VPS13C: variants seen among roughly 807,000 people sequenced by gnomAD.
The protein encoded by VPS13C is vacuolar protein sorting 13 homolog C, also known as intermembrane lipid transfer protein VPS13C.
Under a neutral mutation model 456.8 loss-of-function variants are expected in VPS13C, and 358 were observed. The ratio of observed to expected loss-of-function variants is 0.78; its 90% CI spans 0.72 to 0.86. VPS13C has a LOEUF of 0.86. Ranked by LOEUF, VPS13C falls within the 40% of genes least tolerant of loss-of-function variation. The pLI is 0.00. For missense variants in VPS13C, 4,818 were observed against 4,385.4 expected (o/e 1.10, Z -2.79); for synonymous variants, 1,578 against 1,486.7 (o/e 1.06, Z -1.41).
intron 45 of VPS13C, among the ~76,000 whole-genome samples, chr15:61,944,028 A>G (rs532425087): frequency 2.6e-5 from 4 of 152,288 alleles, no homozygotes; most frequent in African/African-American, 9.6e-5. Flanking sequence ...GCCAACAAAC[A>G]TATGAAAAAA....
At chr15:61,877,514 G>A (rs957691547) in intron 74 of VPS13C, among the ~76,000 whole-genome samples, 1 of 146,814 alleles carries the variant, frequency 6.8e-6, no homozygotes, top group African/African-American at 2.5e-5. Context: ...TCCACTGTCA[G>A]ACATTTCCAA....
chr15:61,900,774 G>T (rs1446644911), intron 66 of VPS13C, among the ~76,000 whole-genome samples: 1,774 of 151,424 alleles, frequency 0.012, 42 homozygotes, highest in African/African-American at 0.04. Context: ...AAGTTCATAT[G>T]GAACCAAAAA....
At chr15:61,922,864 TTTTTAAA>T in intron 53 of VPS13C, 102 bp from the exon 54 acceptor site, 2 of 916,362 alleles carry the variant, frequency 2.2e-6, no homozygotes, top group Non-Finnish European at 2.9e-6. Context: ...ATAAGTGACA[TTTTTAAA>T]TTAAATTTTA....
intron 3 of VPS13C, among the ~76,000 whole-genome samples, chr15:62,039,521 T>G (rs1202760195): frequency 6.6e-6 from 1 of 151,632 alleles, no homozygotes; most frequent in Admixed American, 6.6e-5. Flanking sequence ...GGAAAAAATC[T>G]AATAATCTGA....
chr15:62,017,900 G>C (rs1166329233), intron 9 of VPS13C, among the ~76,000 whole-genome samples: 1 of 152,144 alleles, frequency 6.6e-6, no homozygotes, highest in East Asian at 1.9e-4. Flanking sequence ...TCACGATATT[G>C]ATTCTTCCTA....
At position 61,941,645 on chromosome 15, in the gene VPS13C, T is replaced by C; in HGVS notation, c.5453+118A>G. ...CAAGAAGCCAATGGTCAAGGTTTCA[T>C]AATTAGAAGAAATAAGGAATGAAAA... On this transcript the variant is annotated intron_variant, in intron 46 of 84. Transcript: ENST00000644861. 4.5e-6 allele frequency: 5 copies of C among 1,119,722 alleles called. No individual in the cohort carries two copies. In the South Asian group the frequency reaches 6.9e-5, roughly 16 times the overall value. 69.4% of individuals were successfully genotyped at this position (1,119,722 alleles called of 1,614,324 possible).
At chr15:61,923,814 C>T (rs1427998677) in intron 53 of VPS13C, among the ~76,000 whole-genome samples, 1 of 148,764 alleles carries the variant, frequency 6.7e-6, no homozygotes, top group Non-Finnish European at 1.5e-5. Flanking sequence ...AGTCTTACAA[C>T]GCCACCACAC....
At chr15:61,936,547 GA>G in intron 48 of VPS13C, 49 bp downstream of exon 48, 1 of 1,464,732 alleles carries the variant, frequency 6.8e-7, no homozygotes, top group Non-Finnish European at 9.1e-7. Context: ...ATATAAATAT[GA>G]CATTAACACC....
At chr15:61,897,631 G>A (rs1328300506) in intron 66 of VPS13C, among the ~76,000 whole-genome samples, 1 of 152,144 alleles carries the variant, frequency 6.6e-6, no homozygotes, top group Non-Finnish European at 1.5e-5. Context: ...TCTGATTGGT[G>A]TACCTGAAAG....
chr15:61,919,207 T>G, intron 58 of VPS13C, 82 bp downstream of exon 58: 2 of 1,367,838 alleles, frequency 1.5e-6, no homozygotes, highest in South Asian at 2.9e-5. Context: ...TGATGAAGTT[T>G]TACTGTATTC....
chr15:62,023,927 T>A, intron 6 of VPS13C, 82 bp from the exon 7 acceptor site: 1 of 1,320,140 alleles, frequency 7.6e-7, no homozygotes, highest in Non-Finnish European at 1.0e-6. Context: ...ACAAGAGAAT[T>A]TTTCCTAACA....
chr15:61,923,208 G>GAAA (rs11377834), intron 53 of VPS13C, among the ~76,000 whole-genome samples: 2 of 139,918 alleles, frequency 1.4e-5, no homozygotes, highest in African/African-American at 2.6e-5. Context: ...AAGATCTTCT[G>GAAA]AAAAAAAAAA....
intron 66 of VPS13C, among the ~76,000 whole-genome samples, chr15:61,902,505 G>A (rs987501463): frequency 3.3e-5 from 5 of 152,030 alleles, no homozygotes; most frequent in Non-Finnish European, 7.4e-5. Context: ...CATCACTAGG[G>A]TCAAATGAGA....
At chr15:61,983,197 A>C (rs1403603694) in intron 20 of VPS13C, among the ~76,000 whole-genome samples, 3 of 152,162 alleles carry the variant, frequency 2.0e-5, no homozygotes, top group African/African-American at 4.8e-5. Flanking sequence ...ACACACACAC[A>C]CTTTATTTAG....
At chr15:61,928,884 G>A (rs1367269043) in intron 51 of VPS13C, among the ~76,000 whole-genome samples, 2 of 147,830 alleles carry the variant, frequency 1.4e-5, no homozygotes, top group South Asian at 4.3e-4. Context: ...AGCCCATCTC[G>A]AAAAAAATTT....
chr15:62,058,700 G>T (rs897998345), intron 1 of VPS13C, among the ~76,000 whole-genome samples: 14 of 152,278 alleles, frequency 9.2e-5, no homozygotes, highest in African/African-American at 3.4e-4. Context: ...GATACCAAGG[G>T]ACTATTGTAT....
intron 1 of VPS13C, among the ~76,000 whole-genome samples, chr15:62,057,594 C>T (rs1489804510): frequency 6.6e-6 from 1 of 152,186 alleles, no homozygotes; most frequent in African/African-American, 2.4e-5. Flanking sequence ...AGGAGAATCC[C>T]TGATTGGATG....
intron 49 of VPS13C, among the ~76,000 whole-genome samples, chr15:61,932,281 A>G (rs915078670): frequency 1.3e-5 from 2 of 152,020 alleles, no homozygotes; most frequent in African/African-American, 4.8e-5. Context: ...GGCAGAAGAC[A>G]CTCCACATGA....
intron 1 of VPS13C, among the ~76,000 whole-genome samples, chr15:62,057,928 G>C (rs1238208735): frequency 6.6e-6 from 1 of 152,142 alleles, no homozygotes; most frequent in African/African-American, 2.4e-5. Context: ...ATAAAAGAGA[G>C]TAACATTTGA....
Sources: gnomAD v4.1 joint callset for allele counts (sites outside exome capture counted in the v4.1 genomes callset) on GRCh38, gnomAD v4.1.1 for gene constraint, MANE v1.5 for transcripts, NCBI Gene and HGNC (gene_info 2026-07-23, HGNC 2026-07-21) for gene names.